Variants in GZF1 observed in about 807,000 individuals in gnomAD.
GZF1 encodes GDNF inducible zinc finger protein 1.
Under a neutral mutation model 49.4 loss-of-function variants are expected in GZF1, and 28 were observed. That is an observed-to-expected ratio of 0.57 (90% CI 0.42 to 0.78). The LOEUF (loss-of-function observed/expected upper bound fraction) is 0.78, where lower values mean the gene tolerates loss of function less well. GZF1 is among the 30% of genes least tolerant of loss of function. The pLI, the probability that GZF1 is intolerant of heterozygous loss-of-function variation, is 0.00. For missense variants in GZF1, 798 were observed against 916.2 expected (o/e 0.87, Z 1.67); for synonymous variants, 364 against 356.0 (o/e 1.02, Z -0.25).
chr20:23,365,225 G>T lies in GZF1; in HGVS notation c.842G>T (p.Gly281Val). 3 of 1,602,652 alleles carry T rather than the reference G, an allele frequency of 1.9e-6. No individual in the cohort carries two copies. Among genetic ancestry groups the T allele is most frequent in the Non-Finnish European group, 2.6e-6 (3 of 1,173,816 alleles). ...TEMEQVSKNEGCQAGAELEEL... is the reference protein window; with the variant it reads ...TEMEQVSKNEVCQAGAELEEL... ...ATGGAGCAGGTTTCCAAAAATGAGG[G>T]TTGCCAGGCAGGTGCTGAGTTGGAG... is the stretch of plus-strand genomic sequence containing the variant. The change falls in exon 2 of 6, where the codon GGT (glycine) becomes GTT (valine). Residue 281 changes from glycine (G) to valine (V), a missense_variant. Gly to Val is a moderately radical substitution (Grantham distance 109). Around this residue, in one of 3 missense-constraint regions of GZF1, gnomAD observed 247 missense variants for 228.5 expected, o/e 1.08. Transcript: ENST00000338121.
At position 23,372,583 on chromosome 20, in the gene GZF1, C is replaced by T. The variant is rs1265251331; in HGVS notation, c.*2142C>T. 1 of 152,212 alleles carries T rather than the reference C, an allele frequency of 6.6e-6. No individual in the cohort carries two copies. 9.4% of individuals were successfully genotyped at this position (152,212 alleles called of 1,614,324 possible). ...GATACGACTTCTACTATATACATTT[C>T]TCTGTCCCTGAGAACAGAGAAACGT... is the stretch of plus-strand genomic sequence containing the variant. On this transcript the variant is annotated 3_prime_UTR_variant, in exon 6 of 6. Coordinates refer to ENST00000338121, the MANE Select transcript of GZF1 (RefSeq NM_022482.5).
At chr20:23,365,846 C>T (rs988139206) in intron 2 of GZF1, 99 bp downstream of exon 2, 6 of 1,416,122 alleles carry the variant, frequency 4.2e-6, no homozygotes, top group Admixed American at 3.0e-5. Context: ...TTAATTTCTC[C>T]GCTCCAAACC....
rs1244208347 is a variant in GZF1 at position 23,365,407 on chromosome 20, G to A, written c.1024G>A (p.Val342Met). Reference sequence around the variant, plus strand: ...GAAGCACAGCAAGCACCGCCACGGCGTGGCCACCGAGGTGGTGTACCGCTG... The same window carrying A: ...GAAGCACAGCAAGCACCGCCACGGCATGGCCACCGAGGTGGTGTACCGCTG... Reference protein sequence around the residue: ...FLKHSKHRHGVATEVVYRCDT... With the variant: ...FLKHSKHRHGMATEVVYRCDT... The change falls in exon 2 of 6, where the codon GTG (valine) becomes ATG (methionine). Residue 342 changes from valine to methionine, a missense_variant. By Grantham distance (21) the Val-to-Met change is conservative. Coordinates refer to ENST00000338121, the MANE Select transcript of GZF1 (RefSeq NM_022482.5). 1 of 1,613,760 alleles carries A rather than the reference G, an allele frequency of 6.2e-7. No individual in the cohort carries two copies. Among genetic ancestry groups the A allele is most frequent in the African/African-American group, 1.3e-5 (1 of 74,946 alleles).
At chr20:23,369,814 C>T (rs1981861005) in intron 5 of GZF1, 73 bp downstream of exon 5, 3 of 1,492,852 alleles carry the variant, frequency 2.0e-6, no homozygotes, top group African/African-American at 1.4e-5. Flanking sequence ...ATACCTACCA[C>T]CATTCTCCAA....
At chr20:23,365,831 A>G (rs1229914585) in intron 2 of GZF1, 84 bp downstream of exon 2, 3 of 1,430,012 alleles carry the variant, frequency 2.1e-6, no homozygotes, top group Non-Finnish European at 2.7e-6. Flanking sequence ...TTGATGTCTC[A>G]CTGCTTAATT....
rs760155848 is a variant in GZF1 at position 23,364,522 on chromosome 20, A to G, written c.139A>G (p.Met47Val). ...VEYQGVRKDF[M>V]AHKAVLAATS... ...GTATCAGGGTGTCCGCAAAGACTTCATGGCCCACAAGGCAGTGCTGGCTGC... is the reference window on the plus strand; with the variant it reads ...GTATCAGGGTGTCCGCAAAGACTTCGTGGCCCACAAGGCAGTGCTGGCTGC... The change falls in exon 2 of 6, where the codon ATG becomes GTG. Residue 47 changes from methionine to valine, a missense_variant. Met to Val is a conservative substitution (Grantham distance 21). Coordinates refer to ENST00000338121, the MANE Select transcript of GZF1 (RefSeq NM_022482.5). 4 of 1,614,266 alleles carry G rather than the reference A, an allele frequency of 2.5e-6. No homozygotes were observed. The Admixed American group carries it at 5.0e-5, about 20-fold the overall frequency.
rs748679363 is a variant in GZF1 at position 23,364,989 on chromosome 20, G to A, written c.606G>A (p.Lys202=). Reference sequence around the variant, plus strand: ...CAGATTTGCCACCGAAGAAGTCCAAGGACAAACTAGACAAGAAGAAAGAGG... The same window carrying A: ...CAGATTTGCCACCGAAGAAGTCCAAAGACAAACTAGACAAGAAGAAAGAGG... ...MSSDLPPKKS[K]DKLDKKKEVV... is the part of the protein sequence containing the mutation. Residue 202 remains lysine, a synonymous_variant, in exon 2 of 6, where the codon AAG becomes AAA. Transcript: ENST00000338121. The A allele has an allele frequency of 8.1e-6, 13 of 1,614,106 alleles. No homozygotes were observed. In the Admixed American group the frequency reaches 8.3e-5, roughly 10 times the overall value.
At chr20:23,368,097 G>A (rs1981616952) in intron 3 of GZF1, among the ~76,000 whole-genome samples, 1 of 152,232 alleles carries the variant, frequency 6.6e-6, no homozygotes, top group South Asian at 2.1e-4. Context: ...ACTACAGAAT[G>A]AGTAGAATTG....
rs1600532960 is a variant in GZF1 at position 23,365,646 on chromosome 20, G to A, written c.1263G>A (p.Ala421=). The A allele has an allele frequency of 6.2e-7, 1 of 1,602,434 alleles. No homozygotes were observed. Among genetic ancestry groups the A allele is most frequent in the Non-Finnish European group, 8.5e-7 (1 of 1,178,846 alleles). Residue 421 remains alanine, a synonymous_variant, in exon 2 of 6, where the codon GCG becomes GCA. Coordinates refer to ENST00000338121, the MANE Select transcript of GZF1 (RefSeq NM_022482.5). ...GCAAGGGCCTGAGTTCCAAGACAGC[G>A]CTGCGGCTGCACGAGCGCACACACA... ...QCGKGLSSKT[A]LRLHERTHTG...
rs1208819145 is a variant in GZF1, at chr20:23,364,864, C to G, written c.481C>G (p.Pro161Ala). 2 of 1,614,218 alleles carry G rather than the reference C, an allele frequency of 1.2e-6. No homozygotes were observed. Among genetic ancestry groups the G allele is most frequent in the Admixed American group, 3.3e-5 (2 of 60,034 alleles). ...CAGTGGCTCCCAAGTTAGTGCTGCT[C>G]CTGCCCCCAGGGCAAGTGTGGCCAC... ...VSSGSQVSAA[P>A]APRASVATDG... The change falls in exon 2 of 6, where the codon CCT becomes GCT. Residue 161 changes from proline to alanine, a missense_variant. Pro to Ala is a conservative substitution (Grantham distance 27). Coordinates refer to ENST00000338121, the MANE Select transcript of GZF1 (RefSeq NM_022482.5).
At position 23,369,686 on chromosome 20, in the gene GZF1, G is replaced by A; in HGVS notation, c.1730G>A (p.Cys577Tyr). The change falls in exon 5 of 6, where the codon TGC (cysteine) becomes TAC (tyrosine). Residue 577 changes from cysteine to tyrosine, a missense_variant. Cys to Tyr is a radical substitution (Grantham distance 194). Transcript: ENST00000338121. ...RIHTGERPFM[C>Y]NACGRTFTDK... ...CACACAGGGGAGAGGCCATTCATGT[G>A]CAATGCGTGCGGACGGACATTCACC... is the stretch of plus-strand genomic sequence containing the variant. 6.2e-7 allele frequency: 1 copy of A among 1,614,144 alleles called. No individual in the cohort carries two copies. Among genetic ancestry groups the A allele is most frequent in the Non-Finnish European group, 8.5e-7 (1 of 1,180,008 alleles).
At chr20:23,369,231 A>T (rs188152202) in intron 4 of GZF1, among the ~76,000 whole-genome samples, 37 of 152,368 alleles carry the variant, frequency 2.4e-4, no homozygotes, top group African/African-American at 6.7e-4. Flanking sequence ...GTGTGGACAT[A>T]GGGATAATGA....
chr20:23,365,166 C>G lies in GZF1; in HGVS notation c.783C>G (p.Pro261=), dbSNP rs775393430. 1 of 1,612,662 alleles carries G rather than the reference C, an allele frequency of 6.2e-7. No homozygotes were observed. The highest frequency in any genetic ancestry group is 8.5e-7 in the Non-Finnish European group (1 of 1,179,502). The change falls in exon 2 of 6, where the codon CCC becomes CCG. Residue 261 remains proline, a synonymous_variant. Transcript: ENST00000338121. ...AEGDVGDYRC[P]QDQSPDRVGT... ...GTGATGTGGGGGACTACAGGTGTCC[C>G]CAGGACCAAAGCCCGGACAGGGTGG... is the stretch of plus-strand genomic sequence containing the variant.
rs970768341 is a variant in GZF1 at position 23,362,186 on chromosome 20, C to G, written c.-73C>G. Reference sequence around the variant, plus strand: ...CCACGCCCAGCCGGGCCGGCCGTTCCTACCGGCCTGGTCCAGCGGACAGCG... The same window carrying G: ...CCACGCCCAGCCGGGCCGGCCGTTCGTACCGGCCTGGTCCAGCGGACAGCG... On this transcript the variant is annotated 5_prime_UTR_variant, in exon 1 of 6. Transcript: ENST00000338121. 2 of 152,096 alleles carry G rather than the reference C, an allele frequency of 1.3e-5. No individual in the cohort carries two copies. Among genetic ancestry groups the G allele is most frequent in the African/African-American group, 4.8e-5 (2 of 41,432 alleles). The allele number at this position is 152,096 out of a possible 1,614,324, so 9.4% of individuals were successfully genotyped here.
intron 3 of GZF1, among the ~76,000 whole-genome samples, chr20:23,367,752 G>A (rs1981569059): frequency 6.6e-6 from 1 of 152,166 alleles, no homozygotes; most frequent in Non-Finnish European, 1.5e-5. Flanking sequence ...TATTAATTAT[G>A]TGACAGATAA....
intron 3 of GZF1, 59 bp downstream of exon 3, chr20:23,367,156 T>G: frequency 8.1e-7 from 1 of 1,241,664 alleles, no homozygotes; most frequent in South Asian, 1.2e-5. Context: ...GAAATGCAAT[T>G]GATTAATTTT....
intron 3 of GZF1, among the ~76,000 whole-genome samples, chr20:23,368,345 T>C (rs1981650794): frequency 6.6e-6 from 1 of 152,240 alleles, no homozygotes; most frequent in South Asian, 2.1e-4. Context: ...TTGGAGTTGC[T>C]ACTCTAGAAT....
chr20:23,368,043 C>A (rs1299540661), intron 3 of GZF1, among the ~76,000 whole-genome samples: 1 of 152,154 alleles, frequency 6.6e-6, no homozygotes, highest in Non-Finnish European at 1.5e-5. Context: ...GAATGAAAAT[C>A]TCATTTAATG....
At chr20:23,367,214 T>C in intron 3 of GZF1, 117 bp downstream of exon 3, 1 of 691,670 alleles carries the variant, frequency 1.4e-6, no homozygotes, top group South Asian at 1.7e-5. Flanking sequence ...ATGATATAGC[T>C]TTTCCATCTA....
Sources: allele counts gnomAD v4.1 joint callset (sites outside exome capture counted in the v4.1 genomes callset), GRCh38; gene constraint gnomAD v4.1.1; regional missense constraint gnomAD v4.1.1; transcripts MANE v1.5; gene names NCBI Gene and HGNC (gene_info 2026-07-23, HGNC 2026-07-21).